The following EGF variants were observed in gnomAD, a reference collection of about 807,000 sequenced individuals.
The protein encoded by EGF is epidermal growth factor.
A neutral mutation model predicts 143.8 loss-of-function variants in EGF; 95 were observed. The observed-to-expected ratio is 0.66, with a 90% CI of 0.56 to 0.78. The LOEUF (loss-of-function observed/expected upper bound fraction) is 0.78. Among genes scored for constraint, EGF ranks in the 30% least tolerant of loss-of-function variants. The probability of loss-of-function intolerance (pLI) is 0.00; values close to 1 mark genes in which losing one functional copy is unlikely to be tolerated. For missense variants in EGF, 1,320 were observed against 1,470.9 expected (o/e 0.90, Z 1.68); for synonymous variants, 510 against 510.5 (o/e 1.00, Z 0.01).
intron 4 of EGF, among the ~76,000 whole-genome samples, chr4:109,944,829 C>T (rs1355004733): frequency 1.3e-5 from 2 of 152,178 alleles, no homozygotes; most frequent in Non-Finnish European, 2.9e-5. Context: ...TTTCATCACA[C>T]TTATTGGATG....
chr4:109,916,086 T>C (rs1257157758), intron 1 of EGF, among the ~76,000 whole-genome samples: 1 of 152,140 alleles, frequency 6.6e-6, no homozygotes, highest in African/African-American at 2.4e-5. Context: ...TTATATGAAC[T>C]TTTTTGGTAA....
At chr4:109,994,901 G>T in intron 20 of EGF, 21 bp downstream of exon 20, 1 of 1,613,958 alleles carries the variant, frequency 6.2e-7, no homozygotes, top group South Asian at 1.1e-5. Flanking sequence ...CTGTCTTGCT[G>T]ATGGCACAGA....
rs1245696953 is a variant in EGF, at chr4:110,011,519, C to T, written c.*64C>T. On this transcript the variant is annotated 3_prime_UTR_variant, in exon 24 of 24. Transcript: ENST00000265171. ...TGTCGATGCACAGTATCTTTTCTTTCAAAAGTAGAGCAAAACTATAGGTTT... is the reference window on the plus strand; with the variant it reads ...TGTCGATGCACAGTATCTTTTCTTTTAAAAGTAGAGCAAAACTATAGGTTT... 3.7e-6 allele frequency: 6 copies of T among 1,612,046 alleles called. No individual in the cohort carries two copies. Among genetic ancestry groups the T allele is most frequent in the Non-Finnish European group, 5.1e-6 (6 of 1,179,414 alleles).
At position 109,945,217 on chromosome 4, in the gene EGF, A is replaced by G; in HGVS notation, c.882A>G (p.Glu294=). 1 of 1,614,138 alleles carries G rather than the reference A, an allele frequency of 6.2e-7. No individual in the cohort carries two copies. Among genetic ancestry groups the G allele is most frequent in the Non-Finnish European group, 8.5e-7 (1 of 1,180,022 alleles). Residue 294 remains glutamate, a synonymous_variant, in exon 5 of 24, where the codon GAA becomes GAG. Transcript: ENST00000265171. The stretch of plus-strand genomic sequence containing the variant: ...ATTCATCATTTGTACCACTTGGTGA[A>G]CTGAAAGTAGTGCATCCACTTGCAC... ...NLHSSFVPLG[E]LKVVHPLAQP...
At chr4:109,914,796 G>A (rs1251838075) in intron 1 of EGF, among the ~76,000 whole-genome samples, 2 of 152,204 alleles carry the variant, frequency 1.3e-5, no homozygotes, top group African/African-American at 2.4e-5. Flanking sequence ...AGCTGTTGGA[G>A]ACAGAAGTAA....
rs556290926 is a variant in EGF at position 109,923,105 on chromosome 4, AT to A, written c.127+9651del. Reference sequence around the variant, plus strand: ...CATGTGACAAAACTCCCCATTAATTATTTTTTTTAAATAGTTAATCTTGCTA... The same window carrying A: ...CATGTGACAAAACTCCCCATTAATTATTTTTTTAAATAGTTAATCTTGCTA... On this transcript the variant is annotated intron_variant, in intron 1 of 23. Transcript: ENST00000265171. 3.2e-3 allele frequency among the ~76,000 whole-genome samples: 482 copies of A among 151,322 alleles called. 21 individuals carry two copies. The highest frequency in any genetic ancestry group is 0.011 in the African/African-American group (445 of 40,880).
At chr4:109,956,141 TTATAAC>T (rs1744752922) in intron 5 of EGF, among the ~76,000 whole-genome samples, 1 of 152,210 alleles carries the variant, frequency 6.6e-6, no homozygotes, top group Non-Finnish European at 1.5e-5. Context: ...TTAATTCTGT[TTATAAC>T]TATAGAATTT....
intron 1 of EGF, among the ~76,000 whole-genome samples, chr4:109,917,190 T>C (rs890459730): frequency 6.6e-6 from 1 of 152,236 alleles, no homozygotes; most frequent in Non-Finnish European, 1.5e-5. Context: ...GTGGAACCCT[T>C]CCCTTGTGGA....
intron 19 of EGF, among the ~76,000 whole-genome samples, chr4:109,993,931 C>A (rs1341632874): frequency 3.9e-5 from 6 of 152,144 alleles, no homozygotes; most frequent in Admixed American, 3.3e-4. Context: ...ACCCTGGAGA[C>A]CAGGATGGGG....
chr4:109,940,921 G>T (rs201104105), intron 1 of EGF, 25 bp from the exon 2 acceptor site: 1 of 1,603,710 alleles, frequency 6.2e-7, no homozygotes, highest in Non-Finnish European at 8.5e-7. Flanking sequence ...AAAGTATACA[G>T]TTTGGTCTCT....
chr4:110,000,259 A>G (rs868544853), intron 21 of EGF, among the ~76,000 whole-genome samples: 4,025 of 151,944 alleles, frequency 0.026, 205 homozygotes, highest in African/African-American at 0.09. Flanking sequence ...TCAAAAAAAA[A>G]AAAAAAAAAA....
In EGF at chr4:109,913,435, G is replaced by A. The variant is rs201626324; in HGVS notation, c.100G>A (p.Ala34Thr). The change falls in exon 1 of 24, where the codon GCA becomes ACA. Residue 34 changes from alanine to threonine, a missense_variant. Transcript: ENST00000265171. ...CTGGAGCTGTCCTGAAGGTACTCTC[G>A]CAGGAAATGGGAATTCTACTTGTGT... is the stretch of plus-strand genomic sequence containing the variant. The part of the protein sequence containing the change: ...QHWSCPEGTL[A>T]GNGNSTCVGP... The A allele has an allele frequency of 6.2e-6, 10 of 1,613,760 alleles. No homozygotes were observed. The highest frequency in any genetic ancestry group is 2.7e-5 in the African/African-American group (2 of 75,000).
intron 1 of EGF, among the ~76,000 whole-genome samples, chr4:109,939,308 C>A (rs61691240): frequency 0.023 from 3,532 of 152,336 alleles, 132 homozygotes; most frequent in African/African-American, 0.079. Flanking sequence ...GCTGCGCTAG[C>A]AGTGAGCAAG....
chr4:109,955,457 A>G (rs1175947433), intron 5 of EGF, among the ~76,000 whole-genome samples: 3 of 152,140 alleles, frequency 2.0e-5, no homozygotes, highest in Non-Finnish European at 4.4e-5. Context: ...TTTTGCCACC[A>G]CCTAAAATGA....
At chr4:109,927,542 G>A (rs554717584) in intron 1 of EGF, among the ~76,000 whole-genome samples, 1 of 151,954 alleles carries the variant, frequency 6.6e-6, no homozygotes, top group South Asian at 2.1e-4. Flanking sequence ...GGCTAACACA[G>A]TGAAACCCCG....
rs185442600 is a variant in EGF, at chr4:109,913,796, G to T, written c.127+334G>T. On this transcript the variant is annotated intron_variant, in intron 1 of 23. Coordinates refer to ENST00000265171, the MANE Select transcript of EGF (RefSeq NM_001963.6). ...CCTGGCTAATTGCTTGGAAATTAGG[G>T]AAACAGATGGTTGATTTTTTGTTTG... Among the ~76,000 whole-genome samples, 314 of 152,282 alleles carry T rather than the reference G, an allele frequency of 2.1e-3. 2 individuals are homozygous for T. Among genetic ancestry groups the T allele is most frequent in the Non-Finnish European group, 3.5e-3 (238 of 68,032 alleles).
intron 19 of EGF, among the ~76,000 whole-genome samples, chr4:109,993,659 A>G (rs1269720692): frequency 6.6e-6 from 1 of 152,026 alleles, no homozygotes; most frequent in East Asian, 1.9e-4. Context: ...TGTAATGTCA[A>G]TTTGTGGGGC....
chr4:109,953,184 A>G (rs1400213152), intron 5 of EGF, among the ~76,000 whole-genome samples: 1 of 152,234 alleles, frequency 6.6e-6, no homozygotes, highest in Non-Finnish European at 1.5e-5. Flanking sequence ...GTACCACATT[A>G]AAAGGCACAT....
chr4:109,976,994 G>A (rs563679653), intron 13 of EGF, among the ~76,000 whole-genome samples: 2 of 152,314 alleles, frequency 1.3e-5, no homozygotes, highest in East Asian at 1.9e-4. Context: ...ATAGGAGTTC[G>A]ATTGGAATTT....
Sources: allele counts gnomAD v4.1 joint callset (sites outside exome capture counted in the v4.1 genomes callset), GRCh38; gene constraint gnomAD v4.1.1; transcripts MANE v1.5; gene names NCBI Gene and HGNC (gene_info 2026-07-23, HGNC 2026-07-21).